The following SLC39A12 variants were observed in gnomAD, a reference collection of about 807,000 sequenced individuals.
SLC39A12 encodes zinc transporter ZIP12.
Under a neutral mutation model 71.1 loss-of-function variants are expected in SLC39A12, and 63 were observed. That is an observed-to-expected ratio of 0.89 (90% CI 0.72 to 1.09). The LOEUF (loss-of-function observed/expected upper bound fraction) is 1.09. Ranked by LOEUF, SLC39A12 falls within the 50% of genes least tolerant of loss-of-function variation. The probability of loss-of-function intolerance (pLI) is 0.00; values close to 1 mark genes in which losing one functional copy is unlikely to be tolerated. For missense variants in SLC39A12, 892 were observed against 812.6 expected (o/e 1.10, Z -1.19); for synonymous variants, 351 against 301.3 (o/e 1.16, Z -1.71).
At chr10:17,993,097 C>CA (rs1005298184) in intron 8 of SLC39A12, 84 bp from the exon 9 acceptor site, 13 of 918,898 alleles carry the variant, frequency 1.4e-5, no homozygotes, top group East Asian at 1.1e-4. Context: ...GGCCAATAGG[C>CA]AATGGAATGG....
In SLC39A12 at chr10:17,995,665, G is replaced by C; in HGVS notation, c.1543G>C (p.Glu515Gln). 1 of 1,613,038 alleles carries C rather than the reference G, an allele frequency of 6.2e-7. No homozygotes were observed. Among genetic ancestry groups the C allele is most frequent in the South Asian group, 1.1e-5 (1 of 90,784 alleles). ...TTTTAATTTAAAATAGAAAAGCCCA[G>C]AAGATTCACAGGCAGCTGAAATGCC... ...SASTIQLKSP[E>Q]DSQAAEMPIG... The change falls in exon 10 of 13, where the codon GAA (glutamate) becomes CAA (glutamine). Residue 515 changes from glutamate (E) to glutamine (Q), a missense_variant. Coordinates refer to ENST00000377369, the MANE Select transcript of SLC39A12 (RefSeq NM_001145195.2).
chr10:17,971,583 A>T (rs1834976151), intron 4 of SLC39A12, among the ~76,000 whole-genome samples: 1 of 151,576 alleles, frequency 6.6e-6, no homozygotes, highest in Admixed American at 6.6e-5. Flanking sequence ...GTGTCTAGGA[A>T]TTTGTCCATT....
chr10:17,972,210 C>T (rs540844107), intron 4 of SLC39A12, among the ~76,000 whole-genome samples: 1 of 152,124 alleles, frequency 6.6e-6, no homozygotes, highest in South Asian at 2.1e-4. Context: ...GATGTTATTT[C>T]AATTTTTTAA....
rs771615623 is a variant in SLC39A12 at position 18,042,695 on chromosome 10, C to CT, written c.1948-3dup. The CT allele has an allele frequency of 5.7e-6, 9 of 1,591,466 alleles. No homozygotes were observed. Among genetic ancestry groups the CT allele is most frequent in the African/African-American group, 2.7e-5 (2 of 73,338 alleles). On this transcript the variant is annotated splice_polypyrimidine_tract_variant and intron_variant, in intron 12 of 12. Transcript: ENST00000377369. ...CTGGATCTTATTCTGGTTTTTTATT[C>CT]TTTTTTTAGCTTCCTGAAATGACTC... is the stretch of plus-strand genomic sequence containing the variant.
chr10:18,016,686 C>G (rs1209972227), intron 12 of SLC39A12, among the ~76,000 whole-genome samples: 2 of 152,192 alleles, frequency 1.3e-5, no homozygotes, highest in African/African-American at 2.4e-5. Context: ...TCCAGTTGCT[C>G]TACATCCTCA....
intron 12 of SLC39A12, among the ~76,000 whole-genome samples, chr10:18,016,892 T>G (rs905398363): frequency 6.6e-6 from 1 of 152,214 alleles, no homozygotes; most frequent in African/African-American, 2.4e-5. Context: ...AAATTGTCTG[T>G]TTTCCTCTTA....
intron 2 of SLC39A12, among the ~76,000 whole-genome samples, chr10:17,956,946 G>A (rs960231726): frequency 9.2e-5 from 14 of 152,138 alleles, no homozygotes; most frequent in Admixed American, 3.3e-4. Flanking sequence ...CCAGCTCTTT[G>A]TCAGGAAAAA....
intron 12 of SLC39A12, among the ~76,000 whole-genome samples, chr10:18,014,828 C>T (rs916493780): frequency 2.0e-5 from 3 of 152,116 alleles, no homozygotes; most frequent in Admixed American, 6.6e-5. Flanking sequence ...TTAGGACTAA[C>T]ACAGGTTTAC....
At chr10:18,001,202 A>G (rs1835824876) in intron 11 of SLC39A12, among the ~76,000 whole-genome samples, 1 of 152,210 alleles carries the variant, frequency 6.6e-6, no homozygotes, top group South Asian at 2.1e-4. Flanking sequence ...CACATGGGCC[A>G]GTAAGATAAA....
At chr10:17,974,506 A>T (rs571584705) in intron 4 of SLC39A12, among the ~76,000 whole-genome samples, 2 of 152,326 alleles carry the variant, frequency 1.3e-5, no homozygotes, top group South Asian at 2.1e-4. Flanking sequence ...AACCCTGTTA[A>T]CACCGTAGTT....
At chr10:17,969,390 A>G (rs1834913321) in intron 4 of SLC39A12, among the ~76,000 whole-genome samples, 1 of 152,144 alleles carries the variant, frequency 6.6e-6, no homozygotes, top group Non-Finnish European at 1.5e-5. Context: ...GGGTCATACT[A>G]ACTTACATTC....
chr10:18,035,076 T>G (rs1427578878), intron 12 of SLC39A12, among the ~76,000 whole-genome samples: 13 of 143,972 alleles, frequency 9.0e-5, no homozygotes, highest in African/African-American at 3.1e-4. Flanking sequence ...TGGCTGCCCT[T>G]AACATTTTTT....
At chr10:17,961,976 T>G in intron 3 of SLC39A12, 114 bp downstream of exon 3, 1 of 1,100,658 alleles carries the variant, frequency 9.1e-7, no homozygotes, top group Non-Finnish European at 1.3e-6. Context: ...GAGGTAAGTA[T>G]TTGTGGGTTT....
chr10:17,983,657 C>T lies in SLC39A12; in HGVS notation c.1096+2174C>T, dbSNP rs190915588. Reference sequence around the variant, plus strand: ...ATTAGCTGAGTATGCTGGCGGGTGCCTATAATCCCAGCTACTCGGGAGGCT... The same window carrying T: ...ATTAGCTGAGTATGCTGGCGGGTGCTTATAATCCCAGCTACTCGGGAGGCT... On this transcript the variant is annotated intron_variant, in intron 6 of 12. Coordinates refer to ENST00000377369, the MANE Select transcript of SLC39A12 (RefSeq NM_001145195.2). 2.0e-5 allele frequency among the ~76,000 whole-genome samples: 3 copies of T among 152,140 alleles called. No individual in the cohort carries two copies. The East Asian group carries it at 5.8e-4, about 30-fold the overall frequency.
At chr10:18,020,590 G>A (rs947071113) in intron 12 of SLC39A12, among the ~76,000 whole-genome samples, 8 of 152,082 alleles carry the variant, frequency 5.3e-5, no homozygotes, top group African/African-American at 1.9e-4. Flanking sequence ...TTCACCAGCA[G>A]TATATTAGCA....
intron 12 of SLC39A12, among the ~76,000 whole-genome samples, chr10:18,040,769 C>CAA (rs34842202): frequency 0.017 from 1,597 of 94,642 alleles, 43 homozygotes; most frequent in African/African-American, 0.056. Flanking sequence ...AACTCCATCT[C>CAA]AAAAAAAAAA....
intron 3 of SLC39A12, among the ~76,000 whole-genome samples, chr10:17,962,259 T>C (rs1353916676): frequency 2.0e-5 from 3 of 152,182 alleles, no homozygotes; most frequent in African/African-American, 7.2e-5. Flanking sequence ...GGCAGAGACA[T>C]TTTGAAAGTG....
chr10:17,954,758 A>G (rs1834496262), intron 2 of SLC39A12, among the ~76,000 whole-genome samples: 1 of 152,210 alleles, frequency 6.6e-6, no homozygotes, highest in African/African-American at 2.4e-5. Flanking sequence ...ATAAATAAGT[A>G]AAACAAAAGC....
At chr10:18,013,908 C>A (rs78231519) in intron 12 of SLC39A12, among the ~76,000 whole-genome samples, 7,114 of 152,126 alleles carry the variant, frequency 0.047, 229 homozygotes, top group Middle Eastern at 0.12. Flanking sequence ...TCTAAGATCT[C>A]CAAATTTATT....
Sources: allele counts gnomAD v4.1 joint callset (sites outside exome capture counted in the v4.1 genomes callset), GRCh38; gene constraint gnomAD v4.1.1; transcripts MANE v1.5; gene names NCBI Gene and HGNC (gene_info 2026-07-23, HGNC 2026-07-21).